RIMS4: variants seen among roughly 807,000 people sequenced by gnomAD.
RIMS4 encodes regulating synaptic membrane exocytosis protein 4.
In RIMS4, 9 loss-of-function variants were observed where a neutral mutation model predicts 29.0. The observed-to-expected ratio is 0.31, with a 90% CI of 0.19 to 0.54. RIMS4 has a LOEUF of 0.54. Among genes scored for constraint, RIMS4 ranks in the 20% least tolerant of loss-of-function variants. The pLI is 0.94. For synonymous variants in RIMS4, 130 were observed against 152.9 expected (o/e 0.85, Z 1.10); for missense variants, 193 against 365.7 (o/e 0.53, Z 3.85).
At chr20:44,788,376 C>A (rs1327469778) in intron 1 of RIMS4, among the ~76,000 whole-genome samples, 2 of 152,182 alleles carry the variant, frequency 1.3e-5, no homozygotes, top group African/African-American at 4.8e-5. Context: ...GTCTATTGGG[C>A]AGCGCTGGGC....
chr20:44,783,896 T>C (rs1433611530), intron 1 of RIMS4, among the ~76,000 whole-genome samples: 1 of 152,206 alleles, frequency 6.6e-6, no homozygotes. Context: ...ACTGTGGTGA[T>C]GGTTGCACAA....
intron 1 of RIMS4, among the ~76,000 whole-genome samples, chr20:44,793,816 T>C (rs2066243291): frequency 6.6e-6 from 1 of 152,080 alleles, no homozygotes; most frequent in South Asian, 2.1e-4. Flanking sequence ...ATGCTTGTAA[T>C]CCCAGTGTAT....
At position 44,758,155 on chromosome 20, in the gene RIMS4, G is replaced by C; in HGVS notation, c.266C>G (p.Ser89Trp). Residue 89 changes from serine to tryptophan, a missense_variant, in exon 3 of 6, where the codon TCG (serine) becomes TGG (tryptophan). Coordinates refer to ENST00000372851, the MANE Select transcript of RIMS4 (RefSeq NM_182970.4). The part of the protein sequence containing the change: ...NLNYGGVCLA[S>W]DAQFSDFLGS... ...CAGGAAGTCACTGAACTGGGCGTCC[G>C]ACGCCAGGCAAACTCCTCCATAGTT... 1 of 1,613,474 alleles carries C rather than the reference G, an allele frequency of 6.2e-7. No homozygotes were observed. The highest frequency in any genetic ancestry group is 8.5e-7 in the Non-Finnish European group (1 of 1,179,634).
chr20:44,782,537 A>G (rs2066189007), intron 1 of RIMS4, among the ~76,000 whole-genome samples: 1 of 151,964 alleles, frequency 6.6e-6, no homozygotes, highest in Admixed American at 6.6e-5. Context: ...TCAGCCTCCC[A>G]AAAGTGCTGG....
intron 1 of RIMS4, among the ~76,000 whole-genome samples, chr20:44,776,579 T>G (rs1335076493): frequency 6.6e-6 from 1 of 152,234 alleles, no homozygotes; most frequent in Admixed American, 6.5e-5. Flanking sequence ...CACTCTGTAC[T>G]TCAGTTTCTT....
chr20:44,809,301 C>T (rs541037768), intron 1 of RIMS4, among the ~76,000 whole-genome samples: 1 of 152,290 alleles, frequency 6.6e-6, no homozygotes, highest in Non-Finnish European at 1.5e-5. Context: ...TTCCTCACCC[C>T]AGAACCAAAT....
intron 1 of RIMS4, among the ~76,000 whole-genome samples, chr20:44,809,028 C>T (rs1411242312): frequency 1.3e-5 from 2 of 152,068 alleles, no homozygotes; most frequent in Non-Finnish European, 2.9e-5. Flanking sequence ...CTGTTTTGTT[C>T]CCCCATTGAA....
At chr20:44,793,403 G>A (rs911612981) in intron 1 of RIMS4, among the ~76,000 whole-genome samples, 2 of 152,174 alleles carry the variant, frequency 1.3e-5, no homozygotes, top group African/African-American at 2.4e-5. Flanking sequence ...AATGCGGAGG[G>A]GGAGGGAGCC....
chr20:44,789,372 A>G, intron 1 of RIMS4, among the ~76,000 whole-genome samples: 1 of 152,022 alleles, frequency 6.6e-6, no homozygotes, highest in Non-Finnish European at 1.5e-5. Flanking sequence ...ATCTCGGCTC[A>G]CTGCAAGCTC....
intron 1 of RIMS4, among the ~76,000 whole-genome samples, chr20:44,787,588 A>G (rs1232706413): frequency 6.6e-6 from 1 of 152,042 alleles, no homozygotes; most frequent in Non-Finnish European, 1.5e-5. Context: ...TTCCACATGC[A>G]CCATGAACAC....
At chr20:44,809,659 G>A (rs1359709338) in intron 1 of RIMS4, among the ~76,000 whole-genome samples, 2 of 152,216 alleles carry the variant, frequency 1.3e-5, no homozygotes, top group Non-Finnish European at 2.9e-5. Flanking sequence ...GAGGGAAGGA[G>A]AGGAGAGATA....
chr20:44,761,879 G>T (rs756954000), intron 2 of RIMS4, among the ~76,000 whole-genome samples: 10 of 152,184 alleles, frequency 6.6e-5, no homozygotes, highest in Admixed American at 1.3e-4. Flanking sequence ...ATAAAGTCAC[G>T]TAAGTGTCTG....
intron 4 of RIMS4, 88 bp from the exon 5 acceptor site, chr20:44,757,125 T>C: frequency 7.0e-7 from 1 of 1,435,518 alleles, no homozygotes; most frequent in South Asian, 1.3e-5. Context: ...GCCCACCCTC[T>C]GCTGGAGATA....
chr20:44,767,188 T>A (rs1481093539), intron 2 of RIMS4, among the ~76,000 whole-genome samples: 1 of 152,210 alleles, frequency 6.6e-6, no homozygotes. Flanking sequence ...TCAGGTCTGG[T>A]TCTGGGAAAA....
At chr20:44,784,402 G>A (rs2066198778) in intron 1 of RIMS4, among the ~76,000 whole-genome samples, 1 of 152,196 alleles carries the variant, frequency 6.6e-6, no homozygotes, top group African/African-American at 2.4e-5. Context: ...ACTAGAGCTA[G>A]CAAGGCTTAG....
At chr20:44,804,891 G>T (rs2066291932) in intron 1 of RIMS4, among the ~76,000 whole-genome samples, 1 of 152,204 alleles carries the variant, frequency 6.6e-6, no homozygotes, top group African/African-American at 2.4e-5. Flanking sequence ...TAAGGAAAGA[G>T]CACTGATTGC....
At chr20:44,809,557 G>A (rs911902496) in intron 1 of RIMS4, among the ~76,000 whole-genome samples, 6 of 152,054 alleles carry the variant, frequency 3.9e-5, no homozygotes, top group African/African-American at 1.4e-4. Flanking sequence ...ACCTCTCTCC[G>A]GGAAGAGAGG....
At chr20:44,760,853 A>G (rs2066081501) in intron 2 of RIMS4, among the ~76,000 whole-genome samples, 1 of 152,216 alleles carries the variant, frequency 6.6e-6, no homozygotes, top group South Asian at 2.1e-4. Context: ...TATCATAAAC[A>G]TTACAGTATG....
intron 1 of RIMS4, among the ~76,000 whole-genome samples, chr20:44,783,158 G>A (rs907273246): frequency 1.3e-5 from 2 of 152,222 alleles, no homozygotes; most frequent in Non-Finnish European, 2.9e-5. Flanking sequence ...AAAGGTTGGA[G>A]AGGAAGAATG....
Sources: allele counts gnomAD v4.1 joint callset (sites outside exome capture counted in the v4.1 genomes callset), GRCh38; gene constraint gnomAD v4.1.1; transcripts MANE v1.5; gene names NCBI Gene and HGNC (gene_info 2026-07-23, HGNC 2026-07-21).